Variants in TP73 observed in about 807,000 individuals in gnomAD.
TP73 encodes the protein tumor protein p73, also known as p53-like transcription factor.
Under a neutral mutation model 62.5 loss-of-function variants are expected in TP73, and 25 were observed. The observed-to-expected ratio is 0.40, with a 90% CI of 0.29 to 0.56. The LOEUF (loss-of-function observed/expected upper bound fraction) is 0.56, where lower values mean the gene tolerates loss of function less well. TP73 is among the 20% of genes least tolerant of loss of function. The pLI, the probability that TP73 is intolerant of heterozygous loss-of-function variation, is 0.46. For synonymous variants in TP73, 423 were observed against 377.5 expected, an observed-to-expected ratio of 1.12 and a Z score of -1.40; for missense variants, 754 against 913.3, an observed-to-expected ratio of 0.83 and a Z score of 2.25.
intron 4 of TP73, among the ~76,000 whole-genome samples, chr1:3,720,143 A>G (rs1243881950): frequency 6.6e-6 from 1 of 151,996 alleles, no homozygotes; most frequent in Non-Finnish European, 1.5e-5. Flanking sequence ...GGCTGGTCGA[A>G]CTCCTGACCT....
chr1:3,680,728 G>A (rs1645500068), intron 1 of TP73, among the ~76,000 whole-genome samples: 3 of 152,216 alleles, frequency 2.0e-5, no homozygotes. Context: ...TGGACCTGCG[G>A]TTCTGCTTCC....
At chr1:3,730,242 G>A (rs2124539249) in intron 11 of TP73, 94 bp downstream of exon 11, 3 of 1,343,560 alleles carry the variant, frequency 2.2e-6, no homozygotes, top group South Asian at 1.8e-5. Context: ...CGGGACCCAG[G>A]GCAGGTGTCT....
chr1:3,664,041 C>T (rs115603218), intron 1 of TP73, among the ~76,000 whole-genome samples: 4,404 of 152,278 alleles, frequency 0.029, 229 homozygotes, highest in African/African-American at 0.099. Context: ...ACTGTGAGCT[C>T]GATCTGAGCT....
chr1:3,730,464 G>C (rs1450893602), intron 11 of TP73, among the ~76,000 whole-genome samples: 1 of 152,208 alleles, frequency 6.6e-6, no homozygotes, highest in Non-Finnish European at 1.5e-5. Flanking sequence ...AATGGCCACA[G>C]AAGTACCAGG....
In TP73 at chr1:3,701,761, G is replaced by A. The variant is rs960251524; in HGVS notation, c.187-5788G>A. On this transcript the variant is annotated intron_variant, in intron 3 of 13. Coordinates refer to ENST00000378295, the MANE Select transcript of TP73 (RefSeq NM_005427.4). This position sits in a 1 kb window ranked among gnomAD's most constrained non-coding sequence, Gnocchi z 4.7. Reference sequence around the variant, plus strand: ...GGACCTCAGGTGATCCGCCTGCCTCGTCCTCCCAAATTGCTGGGATGACAG... The same window carrying A: ...GGACCTCAGGTGATCCGCCTGCCTCATCCTCCCAAATTGCTGGGATGACAG... Among the ~76,000 whole-genome samples the A allele has an allele frequency of 2.0e-5, 3 of 152,054 alleles. No individual in the cohort carries two copies. Among genetic ancestry groups the A allele is most frequent in the African/African-American group, 7.2e-5 (3 of 41,398 alleles).
At chr1:3,683,752 T>C (rs1459518352) in intron 3 of TP73, among the ~76,000 whole-genome samples, 1 of 152,210 alleles carries the variant, frequency 6.6e-6, no homozygotes, top group Non-Finnish European at 1.5e-5. Context: ...CTGAATGTGG[T>C]CATGGGCCCA....
At chr1:3,654,109 G>A (rs115712190) in intron 1 of TP73, among the ~76,000 whole-genome samples, 3,252 of 152,318 alleles carry the variant, frequency 0.021, 121 homozygotes, top group African/African-American at 0.072. Flanking sequence ...GGGATGGAGA[G>A]GTTGCAGCGA....
At chr1:3,705,742 T>C (rs3765753) in intron 3 of TP73, among the ~76,000 whole-genome samples, 3 of 152,002 alleles carry the variant, frequency 2.0e-5, no homozygotes, top group Non-Finnish European at 2.9e-5. Flanking sequence ...CACGTTGGAC[T>C]GCACTCAGTG....
rs1202971969 is a variant in TP73, at chr1:3,736,045, G to T, written c.*2966G>T. The T allele has an allele frequency of 6.6e-6, 1 of 152,246 alleles. No individual in the cohort carries two copies. The highest frequency in any genetic ancestry group is 6.5e-5 in the Admixed American group (1 of 15,288). 9.4% of individuals were successfully genotyped at this position (152,246 alleles called of 1,614,324 possible). ...ACGAAATCCCATCCGTGTTTTTCGT[G>T]TAAGATCGTGCTTCTCCGAGCAGTA... is the stretch of plus-strand genomic sequence containing the variant. On this transcript the variant is annotated 3_prime_UTR_variant, in exon 14 of 14. Coordinates refer to ENST00000378295, the MANE Select transcript of TP73 (RefSeq NM_005427.4).
intron 3 of TP73, among the ~76,000 whole-genome samples, chr1:3,707,122 C>T (rs1639723521): frequency 6.6e-6 from 1 of 152,202 alleles, no homozygotes; most frequent in Non-Finnish European, 1.5e-5. Flanking sequence ...CCCACTTGTG[C>T]CCAGCCCACC....
chr1:3,731,768 G>A lies in TP73; in HGVS notation c.1578+212G>A, dbSNP rs367607622. Among the ~76,000 whole-genome samples the A allele has an allele frequency of 1.1e-4, 16 of 152,320 alleles. No homozygotes were observed. In the East Asian group the frequency reaches 2.3e-3, roughly 22 times the overall value. On this transcript the variant is annotated intron_variant, in intron 13 of 13. Coordinates refer to ENST00000378295, the MANE Select transcript of TP73 (RefSeq NM_005427.4). ...GCGCGGGACACAGGCCCAGGCCTCC[G>A]GATGCTGAACTGGTCATTTGAGCCT...
rs978797768 is a variant in TP73 at position 3,699,033 on chromosome 1, G to A, written c.187-8516G>A. Among the ~76,000 whole-genome samples the A allele has an allele frequency of 6.6e-5, 10 of 152,292 alleles. No homozygotes were observed. The highest frequency in any genetic ancestry group is 3.4e-3 in the Middle Eastern group (1 of 294). On this transcript the variant is annotated intron_variant, in intron 3 of 13. Coordinates refer to ENST00000378295, the MANE Select transcript of TP73 (RefSeq NM_005427.4). This position sits in a 1 kb window ranked among gnomAD's most constrained non-coding sequence, Gnocchi z 4.1. ...AAGGCCTCGCCTCAGCCCCGGGTGA[G>A]AGCAGAGGGTGCTGTGGGTGAGAGC...
chr1:3,671,474 G>T (rs1161502154), intron 1 of TP73, among the ~76,000 whole-genome samples: 2 of 152,226 alleles, frequency 1.3e-5, no homozygotes, highest in East Asian at 3.9e-4. Flanking sequence ...GGCAGCTCTT[G>T]GGCTGACCCA....
chr1:3,712,389 C>A (rs1039521247), intron 4 of TP73: 4 of 152,216 alleles, frequency 2.6e-5, no homozygotes, highest in African/African-American at 9.7e-5. Flanking sequence ...CCGGGGTTGG[C>A]TCTTCTCTCT....
At position 3,662,058 on chromosome 1, in the gene TP73, C is replaced by CAA. The variant is rs34860315; in HGVS notation, c.-34+9427_-34+9428dup. The CAA allele has an allele frequency of 2.9e-4, 41 of 140,720 alleles. No individual in the cohort carries two copies. The highest frequency in any genetic ancestry group is 2.3e-3 in the Admixed American group (33 of 14,136). The allele number at this position is 140,720 out of a possible 1,614,324, so 8.7% of individuals were successfully genotyped here. A position where few individuals can be genotyped will look rare whatever the true frequency, so the allele number is the denominator to read the frequency against. On this transcript the variant is annotated intron_variant, in intron 1 of 13. Coordinates refer to ENST00000378295, the MANE Select transcript of TP73 (RefSeq NM_005427.4). The surrounding 1 kb of genome is among the most constrained non-coding windows in gnomAD (Gnocchi z 4.4). ...TGGGTGACAGAGTGAGACCCTGTCTCAAAAAAAAAAAGAACTAGTTCACAC... is the reference window on the plus strand; with the variant it reads ...TGGGTGACAGAGTGAGACCCTGTCTCAAAAAAAAAAAAAGAACTAGTTCACAC...
chr1:3,698,868 C>T (rs978664902), intron 3 of TP73, among the ~76,000 whole-genome samples: 4 of 152,328 alleles, frequency 2.6e-5, no homozygotes, highest in Non-Finnish European at 4.4e-5. Flanking sequence ...TCAGCCGCTG[C>T]GGGCAGGTGC....
chr1:3,728,335 C>A, intron 9 of TP73, 118 bp downstream of exon 9: 1 of 1,067,732 alleles, frequency 9.4e-7, no homozygotes, highest in Non-Finnish European at 1.4e-6. Flanking sequence ...GCGGGAGGAG[C>A]CCAGCCCTGT....
chr1:3,716,512 C>T (rs1454076439), intron 4 of TP73, among the ~76,000 whole-genome samples: 4 of 152,250 alleles, frequency 2.6e-5, no homozygotes, highest in Non-Finnish European at 5.9e-5. Context: ...TCCTTTCCCC[C>T]TCCCCAGGCT....
chr1:3,708,391 CTGA>C (rs1219856879), intron 4 of TP73: 3 of 159,064 alleles, frequency 1.9e-5, no homozygotes, highest in African/African-American at 7.2e-5. Flanking sequence ...CTTGCTAATT[CTGA>C]TAACATCACC....
Sources: gnomAD v4.1 joint callset for allele counts (sites outside exome capture counted in the v4.1 genomes callset) on GRCh38, gnomAD v4.1.1 for gene constraint, Gnocchi (gnomAD v3.1) non-coding constraint, MANE v1.5 for transcripts, NCBI Gene and HGNC (gene_info 2026-07-23, HGNC 2026-07-21) for gene names.